The following LOC128462377 variants were observed in gnomAD, a reference collection of about 807,000 sequenced individuals.
the LOC128462377 span, among the ~76,000 whole-genome samples, chr16:89,354,475 A>T: frequency 6.6e-6 from 1 of 152,218 alleles, no homozygotes; most frequent in African/African-American, 2.4e-5. Context: ...GCACCAGTGG[A>T]AATGTCACAG....
At chr16:89,398,564 T>G in the LOC128462377 span, among the ~76,000 whole-genome samples, 1 of 152,140 alleles carries the variant, frequency 6.6e-6, no homozygotes, top group Non-Finnish European at 1.5e-5. Flanking sequence ...AAAAAAATTT[T>G]TTTTTAACAA....
At chr16:89,319,086 T>A in the LOC128462377 span, among the ~76,000 whole-genome samples, 5 of 152,212 alleles carry the variant, frequency 3.3e-5, no homozygotes, top group Admixed American at 2.0e-4. Flanking sequence ...ATTAACATTT[T>A]AAAAAATCCA....
the LOC128462377 span, among the ~76,000 whole-genome samples, chr16:89,363,728 C>T: frequency 4.6e-5 from 7 of 152,150 alleles, no homozygotes; most frequent in South Asian, 4.1e-4. Context: ...CTGTGGTAGA[C>T]TGGAAGAACA....
chr16:89,383,962 T>TA, the LOC128462377 span, among the ~76,000 whole-genome samples: 1 of 152,222 alleles, frequency 6.6e-6, no homozygotes, highest in Admixed American at 6.5e-5. Flanking sequence ...TCTAGCAAGA[T>TA]AAAGAATCTG....
chr16:89,361,868 A>C, the LOC128462377 span, among the ~76,000 whole-genome samples: 243 of 152,354 alleles, frequency 1.6e-3, 1 homozygote, highest in African/African-American at 5.3e-3. Context: ...ACTCTAGATA[A>C]GACCTTCAAA....
the LOC128462377 span, among the ~76,000 whole-genome samples, chr16:89,413,274 T>C: frequency 6.6e-6 from 1 of 152,226 alleles, no homozygotes; most frequent in Admixed American, 6.5e-5. Flanking sequence ...CATATTTTTT[T>C]GATAATAATG....
chr16:89,364,031 T>C, the LOC128462377 span, among the ~76,000 whole-genome samples: 1 of 151,954 alleles, frequency 6.6e-6, no homozygotes, highest in Non-Finnish European at 1.5e-5. Context: ...TGCCACTGCA[T>C]TCCTGCCCAG....
the LOC128462377 span, among the ~76,000 whole-genome samples, chr16:89,357,282 T>G: frequency 1.1e-3 from 166 of 151,972 alleles, 2 homozygotes; most frequent in African/African-American, 3.5e-3. Flanking sequence ...AGTCACACCA[T>G]GAAGGAAGGG....
the LOC128462377 span, among the ~76,000 whole-genome samples, chr16:89,319,469 T>C: frequency 1.3e-5 from 2 of 152,342 alleles, no homozygotes; most frequent in East Asian, 3.9e-4. Context: ...AGGTGTACGC[T>C]GTGTTTTCTG....
chr16:89,343,467 A>G, the LOC128462377 span, among the ~76,000 whole-genome samples: 2 of 152,214 alleles, frequency 1.3e-5, no homozygotes, highest in Non-Finnish European at 2.9e-5. Context: ...CAGGGTACAC[A>G]GGTATTCCTA....
chr16:89,415,268 T>TAAACCCTGCA, the LOC128462377 span, among the ~76,000 whole-genome samples: 18 of 142,734 alleles, frequency 1.3e-4, no homozygotes, highest in African/African-American at 4.0e-4. Context: ...ATTCTTTTTT[T>TAAACCCTGCA]TTTTTTTTTT....
the LOC128462377 span, among the ~76,000 whole-genome samples, chr16:89,390,986 T>G: frequency 6.6e-6 from 1 of 152,132 alleles, no homozygotes; most frequent in Non-Finnish European, 1.5e-5. Flanking sequence ...CACAGCATTT[T>G]GGGAGGCCGA....
the LOC128462377 span, among the ~76,000 whole-genome samples, chr16:89,387,869 G>C: frequency 6.6e-6 from 1 of 151,522 alleles, no homozygotes; most frequent in African/African-American, 2.4e-5. Context: ...GCCAGGCGTG[G>C]TGGTGGGTGG....
the LOC128462377 span, among the ~76,000 whole-genome samples, chr16:89,334,235 T>A: frequency 1.3e-5 from 2 of 150,628 alleles, no homozygotes; most frequent in African/African-American, 4.9e-5. Flanking sequence ...GGACAATGTC[T>A]GATGCCTGGC....
chr16:89,385,354 C>T, the LOC128462377 span, among the ~76,000 whole-genome samples: 2 of 151,650 alleles, frequency 1.3e-5, no homozygotes, highest in African/African-American at 2.4e-5. Flanking sequence ...GTCTCGAACT[C>T]CTGACCTCAG....
chr16:89,319,412 C>T, the LOC128462377 span, among the ~76,000 whole-genome samples: 14 of 152,228 alleles, frequency 9.2e-5, no homozygotes, highest in Non-Finnish European at 1.6e-4. Flanking sequence ...ATACTTTTCA[C>T]GGCCTGCATC....
At chr16:89,371,359 A>G in the LOC128462377 span, among the ~76,000 whole-genome samples, 168 of 152,360 alleles carry the variant, frequency 1.1e-3, no homozygotes, top group African/African-American at 3.9e-3. Context: ...TGTCCATTCT[A>G]CCATTTGGTG....
chr16:89,351,131 A>G, the LOC128462377 span, among the ~76,000 whole-genome samples: 10 of 152,194 alleles, frequency 6.6e-5, no homozygotes, highest in Admixed American at 3.3e-4. Context: ...AATGCACGGG[A>G]GTGGACGATG....
At chr16:89,371,635 C>T in the LOC128462377 span, among the ~76,000 whole-genome samples, 3 of 152,166 alleles carry the variant, frequency 2.0e-5, no homozygotes, top group African/African-American at 7.2e-5. Context: ...CATGACGACA[C>T]CCAAGGAGGG....
Sources: allele counts gnomAD v4.1 joint callset (sites outside exome capture counted in the v4.1 genomes callset), GRCh38; gene constraint gnomAD v4.1.1; transcripts MANE v1.5.